EIF4G2: variants seen among roughly 807,000 people sequenced by gnomAD.
EIF4G2 encodes eukaryotic translation initiation factor 4 gamma 2.
EIF4G2 carries 8 observed loss-of-function variants against 117.7 expected under a neutral mutation model. The observed-to-expected ratio is 0.07, with a 90% CI of 0.04 to 0.12. The LOEUF (loss-of-function observed/expected upper bound fraction) is 0.12. Ranked by LOEUF, EIF4G2 falls within the 10% of genes least tolerant of loss-of-function variation. The pLI is 1.00. For missense variants in EIF4G2, 812 were observed against 1,086.2 expected, an observed-to-expected ratio of 0.75 and a Z score of 3.55; for synonymous variants, 413 against 367.8, an observed-to-expected ratio of 1.12 and a Z score of -1.41.
chr11:10,804,594 A>G (rs1847507371), intron 5 of EIF4G2, 176 bp from the exon 6 acceptor site: 2 of 786,778 alleles, frequency 2.5e-6, no homozygotes, highest in Non-Finnish European at 3.8e-6. Context: ...ATGGATATCA[A>G]AACTTTCAAG....
chr11:10,798,417 C>A (rs1215933926), intron 21 of EIF4G2, among the ~76,000 whole-genome samples: 1 of 152,090 alleles, frequency 6.6e-6, no homozygotes, highest in Non-Finnish European at 1.5e-5. Context: ...TTTTGAGACA[C>A]AGTCTCACTC....
intron 4 of EIF4G2, among the ~76,000 whole-genome samples, chr11:10,805,503 T>C (rs1214198166): frequency 1.3e-5 from 2 of 151,798 alleles, no homozygotes; most frequent in African/African-American, 2.4e-5. Context: ...CAGGCTGGAG[T>C]GCAGTGGCGT....
intron 14 of EIF4G2, 96 bp from the exon 15 acceptor site, chr11:10,801,183 AG>A: frequency 6.6e-7 from 1 of 1,512,788 alleles, no homozygotes; most frequent in Non-Finnish European, 8.8e-7. Context: ...GACAGAATCT[AG>A]GGAAACATTA....
intron 2 of EIF4G2, 88 bp downstream of exon 2, chr11:10,807,167 G>A: frequency 1.3e-6 from 2 of 1,510,860 alleles, no homozygotes; most frequent in Non-Finnish European, 8.9e-7. Flanking sequence ...GAAAATTGCA[G>A]CCCATTAAGT....
intron 2 of EIF4G2, 121 bp from the exon 3 acceptor site, chr11:10,807,006 T>C (rs1280295957): frequency 2.4e-6 from 3 of 1,266,178 alleles, no homozygotes; most frequent in Non-Finnish European, 3.4e-6. Flanking sequence ...TTGCCCAGAC[T>C]GGAGCCAGGC....
chr11:10,800,903 A>G (rs540553737), intron 15 of EIF4G2, 59 bp downstream of exon 15: 7 of 1,612,064 alleles, frequency 4.3e-6, no homozygotes, highest in African/African-American at 1.3e-5. Flanking sequence ...AGAACACACT[A>G]AATTTAGAAA....
intron 13 of EIF4G2, 87 bp from the exon 14 acceptor site, chr11:10,801,861 TA>T: frequency 7.5e-7 from 1 of 1,335,488 alleles, no homozygotes. Context: ...AGCCAAGCCA[TA>T]AAGTTAGTTT....
At chr11:10,798,399 T>C (rs570729982) in intron 21 of EIF4G2, among the ~76,000 whole-genome samples, 3 of 152,164 alleles carry the variant, frequency 2.0e-5, no homozygotes, top group African/African-American at 7.2e-5. Flanking sequence ...TTTAAACTTT[T>C]TTTCTTTTTT....
rs781121315 is a variant in EIF4G2, at chr11:10,801,116, T to A, written c.1414-29A>T. 5.0e-6 allele frequency: 8 copies of A among 1,612,954 alleles called. No homozygotes were observed. In the South Asian group the frequency reaches 8.8e-5, roughly 18 times the overall value. ...GAATTGAAAACAAAATATATCTAAATTAACAACATGCAGTTGGCGAACATA... is the reference window on the plus strand; with the variant it reads ...GAATTGAAAACAAAATATATCTAAAATAACAACATGCAGTTGGCGAACATA... On this transcript the variant is annotated intron_variant, in intron 14 of 21. Coordinates refer to ENST00000339995, the MANE Select transcript of EIF4G2 (RefSeq NM_001418.4).
intron 11 of EIF4G2, 122 bp from the exon 12 acceptor site, chr11:10,802,557 A>G: frequency 7.5e-7 from 1 of 1,330,360 alleles, no homozygotes; most frequent in Middle Eastern, 2.8e-4. Flanking sequence ...TATTTCTGTA[A>G]ATAACTTCTT....
intron 21 of EIF4G2, chr11:10,798,775 G>C (rs1436338431): frequency 8.0e-6 from 4 of 500,104 alleles, no homozygotes. Context: ...TCCTTGAAAA[G>C]TTAGCTACCT....
chr11:10,806,322 G>A (rs988830593), intron 3 of EIF4G2: 3 of 471,128 alleles, frequency 6.4e-6, no homozygotes, highest in South Asian at 5.7e-5. Flanking sequence ...CAGTATCAAC[G>A]CTGTGGAACC....
chr11:10,801,629 C>T (rs374179465), intron 14 of EIF4G2, 32 bp downstream of exon 14: 3 of 1,585,544 alleles, frequency 1.9e-6, no homozygotes, highest in Non-Finnish European at 2.6e-6. Context: ...AATGGACAAA[C>T]TATGGTATAT....
At chr11:10,806,328 G>A (rs1020938800) in intron 3 of EIF4G2, 3 of 452,304 alleles carry the variant, frequency 6.6e-6, no homozygotes, top group South Asian at 6.1e-5. Context: ...CAACGCTGTG[G>A]AACCACATTT....
At chr11:10,801,153 A>G in intron 14 of EIF4G2, 66 bp from the exon 15 acceptor site, 2 of 1,595,208 alleles carry the variant, frequency 1.3e-6, no homozygotes, top group Non-Finnish European at 1.7e-6. Flanking sequence ...TAAATACAAC[A>G]TTCTAAAATC....
intron 2 of EIF4G2, 123 bp from the exon 3 acceptor site, chr11:10,807,008 G>C: frequency 8.0e-7 from 1 of 1,243,452 alleles, no homozygotes; most frequent in Non-Finnish European, 1.1e-6. Context: ...GCCCAGACTG[G>C]AGCCAGGCCT....
At chr11:10,807,079 G>A (rs1489381624) in intron 2 of EIF4G2, 176 bp downstream of exon 2, 2 of 1,171,550 alleles carry the variant, frequency 1.7e-6, no homozygotes, top group African/African-American at 3.1e-5. Flanking sequence ...CAAAGGAAAG[G>A]CAAATAATTG....
At position 10,800,169 on chromosome 11, in the gene EIF4G2, C is replaced by T; in HGVS notation, c.2040G>A (p.Gln680=). 1 of 1,614,182 alleles carries T rather than the reference C, an allele frequency of 6.2e-7. No homozygotes were observed. Among genetic ancestry groups the T allele is most frequent in the East Asian group, 2.2e-5 (1 of 44,888 alleles). ...ATTCTCGATCTTGTAATTTAGCTAA[C>T]TGCTGAAGACAAAGTAGGAAGAGAG... Residue 680 remains glutamine (Q), a synonymous_variant, in exon 18 of 22, where the codon CAG becomes CAA. Transcript: ENST00000339995.
chr11:10,804,126 A>AT lies in EIF4G2; in HGVS notation c.550+10dup, dbSNP rs779803633. 33 of 1,614,032 alleles carry AT rather than the reference A, an allele frequency of 2.0e-5. No homozygotes were observed. Among genetic ancestry groups the AT allele is most frequent in the Non-Finnish European group, 2.5e-5 (30 of 1,179,988 alleles). ...TATACAGTAGTACTTATTATCAGCT[A>AT]TAAGTCTTACCATCAACATTTCTAG... On this transcript the variant is annotated intron_variant, in intron 7 of 21. Transcript: ENST00000339995.
Sources: gnomAD v4.1 joint callset for allele counts (sites outside exome capture counted in the v4.1 genomes callset) on GRCh38, gnomAD v4.1.1 for gene constraint, MANE v1.5 for transcripts, NCBI Gene and HGNC (gene_info 2026-07-23, HGNC 2026-07-21) for gene names.